Variants in EML6 observed in about 807,000 individuals in gnomAD.
EML6 encodes echinoderm microtubule-associated protein-like 6.
A neutral mutation model predicts 240.1 loss-of-function variants in EML6; 154 were observed. The observed-to-expected ratio is 0.64, with a 90% CI of 0.56 to 0.73. The LOEUF (loss-of-function observed/expected upper bound fraction) is 0.73. EML6 is among the 30% of genes least tolerant of loss of function. The pLI is 0.00. For synonymous variants in EML6, 1,148 were observed against 899.0 expected, an observed-to-expected ratio of 1.28 and a Z score of -4.95; for missense variants, 2,964 against 2,474.6, an observed-to-expected ratio of 1.20 and a Z score of -4.20.
rs1218672425 is a variant in EML6 at position 54,964,665 on chromosome 2, G to A, written c.5425G>A (p.Gly1809Ser). The change falls in exon 38 of 42, where the codon GGC becomes AGC. Residue 1809 changes from glycine (G) to serine (S), a missense_variant. By Grantham distance (56) the Gly-to-Ser change is moderately conservative. Coordinates refer to ENST00000356458, the MANE Select transcript of EML6 (RefSeq NM_001039753.4). ...LTQGTNLNRI[G>S]YCKDIPSFVI... Reference sequence around the variant, plus strand: ...TCAGGGCACAAATCTGAACCGCATTGGCTACTGCAAAGATATCCCAAGCTT... The same window carrying A: ...TCAGGGCACAAATCTGAACCGCATTAGCTACTGCAAAGATATCCCAAGCTT... The A allele has an allele frequency of 4.5e-6, 7 of 1,552,290 alleles. No homozygotes were observed. The highest frequency in any genetic ancestry group is 8.7e-7 in the Non-Finnish European group (1 of 1,147,094).
At chr2:54,866,912 T>C (rs1671000357) in intron 14 of EML6, 28 bp downstream of exon 14, 1 of 1,328,736 alleles carries the variant, frequency 7.5e-7, no homozygotes, top group Non-Finnish European at 1.1e-6. Flanking sequence ...GGCGCCCGTA[T>C]GTGTTCCTCT....
intron 32 of EML6, 91 bp from the exon 33 acceptor site, chr2:54,957,699 C>T: frequency 2.6e-6 from 3 of 1,133,732 alleles, no homozygotes; most frequent in Non-Finnish European, 3.9e-6. Flanking sequence ...ATGGCTTACG[C>T]CTGCTGGGGT....
intron 26 of EML6, among the ~76,000 whole-genome samples, chr2:54,923,377 A>G (rs981025699): frequency 1.5e-3 from 229 of 150,800 alleles, no homozygotes; most frequent in African/African-American, 4.7e-3. Flanking sequence ...GCACACACAC[A>G]CACACACACA....
At chr2:54,897,565 T>A (rs1312314690) in intron 21 of EML6, among the ~76,000 whole-genome samples, 4 of 152,156 alleles carry the variant, frequency 2.6e-5, no homozygotes, top group African/African-American at 9.7e-5. Flanking sequence ...ACCAGGCTGT[T>A]CCCCACATCT....
At chr2:54,916,971 T>C in intron 26 of EML6, 36 bp downstream of exon 26, 4 of 1,458,250 alleles carry the variant, frequency 2.7e-6, no homozygotes, top group Non-Finnish European at 2.8e-6. Context: ...ACTTGCTCAG[T>C]CTCCTTAATA....
intron 17 of EML6, chr2:54,882,273 C>CTTTT (rs551619521): frequency 9.4e-6 from 1 of 106,896 alleles, no homozygotes; most frequent in African/African-American, 3.5e-5. Flanking sequence ...ATTTTTTAGT[C>CTTTT]TTTTTTTTTT....
In EML6 at chr2:54,948,963, G is replaced by T; in HGVS notation, c.4083+3G>T. On this transcript the variant is annotated splice_donor_region_variant and intron_variant, in intron 29 of 41. Transcript: ENST00000356458. ...CCAAAAAAAAGAAACTGGTTGAGGTGAGTTAAACAATCACTTGTAGTCTGA... is the reference window on the plus strand; with the variant it reads ...CCAAAAAAAAGAAACTGGTTGAGGTTAGTTAAACAATCACTTGTAGTCTGA... 6.5e-7 allele frequency: 1 copy of T among 1,546,102 alleles called. No homozygotes were observed. Among genetic ancestry groups the T allele is most frequent in the African/African-American group, 1.4e-5 (1 of 73,038 alleles).
chr2:54,839,939 AG>A (rs1437276937), intron 7 of EML6, among the ~76,000 whole-genome samples: 6 of 152,200 alleles, frequency 3.9e-5, no homozygotes, highest in Admixed American at 3.3e-4. Context: ...ATTTAATTCC[AG>A]GTTGTGGGTT....
At position 54,850,475 on chromosome 2, in the gene EML6, T is replaced by A. The variant is rs147882807; in HGVS notation, c.1444+257T>A. ...ACAACAAGGGAGATCGTGAATGAAA[T>A]GTAAAGACAAGGCATAGACTAGGCA... On this transcript the variant is annotated intron_variant, in intron 10 of 41. Coordinates refer to ENST00000356458, the MANE Select transcript of EML6 (RefSeq NM_001039753.4). 2.9e-4 allele frequency: 116 copies of A among 403,234 alleles called. 1 individual carries two copies. The highest frequency in any genetic ancestry group is 2.2e-3 in the African/African-American group (113 of 50,788). The allele number at this position is 403,234 out of a possible 1,614,324, so 25.0% of individuals were successfully genotyped here.
chr2:54,794,958 T>G (rs1357344435), intron 2 of EML6, among the ~76,000 whole-genome samples: 2 of 152,196 alleles, frequency 1.3e-5, no homozygotes, highest in African/African-American at 4.8e-5. Flanking sequence ...GTTAATTCAC[T>G]GACCACACTA....
intron 17 of EML6, among the ~76,000 whole-genome samples, chr2:54,888,456 T>C (rs78421426): frequency 0.022 from 3,332 of 152,292 alleles, 113 homozygotes; most frequent in African/African-American, 0.072. Flanking sequence ...GTTACAACAG[T>C]ATATTCAGGA....
chr2:54,859,666 G>T lies in EML6; in HGVS notation c.1790G>T (p.Gly597Val). 1.3e-6 allele frequency: 2 copies of T among 1,548,930 alleles called. No individual in the cohort carries two copies. The highest frequency in any genetic ancestry group is 1.7e-6 in the Non-Finnish European group (2 of 1,146,250). The part of the protein sequence containing the change: ...SVFQWRFIPE[G>V]VSNGMLETAP... ...TTCCAGTGGAGGTTTATTCCAGAAG[G>T]TGTCAGCAACGGCATGCTGGAAACT... is the stretch of plus-strand genomic sequence containing the variant. Residue 597 changes from glycine to valine, a missense_variant, in exon 12 of 42, where the codon GGT (glycine) becomes GTT (valine). Gly to Val is a moderately radical substitution (Grantham distance 109, BLOSUM62 -3). Coordinates refer to ENST00000356458, the MANE Select transcript of EML6 (RefSeq NM_001039753.4).
In EML6 at chr2:54,927,642, A is replaced by G. The variant is rs558456179; in HGVS notation, c.3676-671A>G. On this transcript the variant is annotated intron_variant, in intron 26 of 41. Transcript: ENST00000356458. ...GCCCTGGCATGAGCAGCTGACTCAC[A>G]TTCCACCCTCCACCCGGGGATAAAG... Among the ~76,000 whole-genome samples, 10 of 152,250 alleles carry G rather than the reference A, an allele frequency of 6.6e-5. No individual in the cohort carries two copies. In the East Asian group the frequency reaches 1.9e-3, roughly 29 times the overall value.
chr2:54,964,865 A>T, intron 38 of EML6, 132 bp downstream of exon 38: 1 of 740,380 alleles, frequency 1.4e-6, no homozygotes, highest in East Asian at 3.0e-5. Context: ...CTCCTTAAGT[A>T]GTTACTTTTT....
chr2:54,735,258 C>G (rs1375633392), intron 2 of EML6, among the ~76,000 whole-genome samples: 1 of 152,248 alleles, frequency 6.6e-6, no homozygotes, highest in Admixed American at 6.5e-5. Context: ...CATTTGTTGA[C>G]TTACCCATGT....
chr2:54,786,104 C>T (rs72917512), intron 2 of EML6, among the ~76,000 whole-genome samples: 18,258 of 151,774 alleles, frequency 0.12, 1,640 homozygotes, highest in East Asian at 0.3. Flanking sequence ...TTGTAGGGAG[C>T]CTTCTGTTTT....
intron 28 of EML6, among the ~76,000 whole-genome samples, chr2:54,932,863 A>G (rs1456189715): frequency 6.6e-6 from 1 of 152,162 alleles, no homozygotes; most frequent in Non-Finnish European, 1.5e-5. Context: ...TACCAAAGTC[A>G]CACCTAGCTT....
chr2:54,801,701 A>AT (rs36045626), intron 2 of EML6, among the ~76,000 whole-genome samples: 24,542 of 152,176 alleles, frequency 0.16, 2,372 homozygotes, highest in Non-Finnish European at 0.21. Flanking sequence ...CCATTTAATG[A>AT]TTTTCTTCTG....
chr2:54,806,010 C>T (rs928333654), intron 2 of EML6, among the ~76,000 whole-genome samples: 1 of 151,976 alleles, frequency 6.6e-6, no homozygotes, highest in African/African-American at 2.4e-5. Flanking sequence ...ATTTGTATGT[C>T]TATCCTTATA....
Sources: allele counts gnomAD v4.1 joint callset (sites outside exome capture counted in the v4.1 genomes callset), GRCh38; gene constraint gnomAD v4.1.1; transcripts MANE v1.5; gene names NCBI Gene and HGNC (gene_info 2026-07-23, HGNC 2026-07-21).